RARB: variants seen among roughly 807,000 people sequenced by gnomAD.
The protein encoded by RARB is retinoic acid receptor beta.
A neutral mutation model predicts 51.9 loss-of-function variants in RARB; 17 were observed. The ratio of observed to expected loss-of-function variants is 0.33; its 90% confidence interval spans 0.22 to 0.49. RARB has a LOEUF of 0.49. Ranked by LOEUF, RARB falls within the 20% of genes least tolerant of loss-of-function variation. The pLI is 0.99. For synonymous variants in RARB, 215 were observed against 195.4 expected (o/e 1.10, Z -0.84); for missense variants, 369 against 550.8 (o/e 0.67, Z 3.30).
chr3:25,130,490 AT>A (rs1186037051), intron 3 of RARB, among the ~76,000 whole-genome samples: 6 of 151,902 alleles, frequency 3.9e-5, no homozygotes, highest in Non-Finnish European at 8.8e-5. Context: ...TTTTTTTTTA[AT>A]AAAATAGTGG....
At chr3:25,531,568 G>A (rs1435084982) in intron 3 of RARB, among the ~76,000 whole-genome samples, 1 of 152,104 alleles carries the variant, frequency 6.6e-6, no homozygotes, top group Non-Finnish European at 1.5e-5. Flanking sequence ...CAAGAGCAAT[G>A]TATGTTTGAA....
At chr3:24,878,548 G>A (rs1028954652) in intron 2 of RARB, among the ~76,000 whole-genome samples, 1 of 152,084 alleles carries the variant, frequency 6.6e-6, no homozygotes, top group Non-Finnish European at 1.5e-5. Context: ...TCTCAACATT[G>A]GCATTGACAT....
chr3:25,084,138 T>G (rs1275178265), intron 3 of RARB, among the ~76,000 whole-genome samples: 5 of 152,198 alleles, frequency 3.3e-5, no homozygotes, highest in Non-Finnish European at 5.9e-5. Context: ...TGGTACCCTA[T>G]TCTTCACATT....
At chr3:25,483,305 T>C (rs1380578543) in intron 2 of RARB, among the ~76,000 whole-genome samples, 1 of 152,216 alleles carries the variant, frequency 6.6e-6, no homozygotes, top group African/African-American at 2.4e-5. Context: ...AAAATATGTG[T>C]ACATATATAG....
chr3:24,922,315 A>G (rs559288381), intron 2 of RARB, among the ~76,000 whole-genome samples: 13 of 152,198 alleles, frequency 8.5e-5, no homozygotes, highest in Non-Finnish European at 1.8e-4. Flanking sequence ...AAAAGATGTT[A>G]ATGATGGAGA....
intron 2 of RARB, among the ~76,000 whole-genome samples, chr3:24,912,214 C>G (rs185955190): frequency 6.6e-6 from 1 of 152,060 alleles, no homozygotes; most frequent in African/African-American, 2.4e-5. Flanking sequence ...ATAGTGTCCA[C>G]GAGCTTTTGT....
At chr3:24,875,734 A>G (rs1205363055) in intron 2 of RARB, among the ~76,000 whole-genome samples, 1 of 152,118 alleles carries the variant, frequency 6.6e-6, no homozygotes, top group Non-Finnish European at 1.5e-5. Flanking sequence ...AAAATCAAGA[A>G]AATAACATTA....
chr3:25,310,579 A>T (rs1316884231), intron 5 of RARB, among the ~76,000 whole-genome samples: 3 of 152,186 alleles, frequency 2.0e-5, no homozygotes, highest in Admixed American at 2.0e-4. Context: ...TTCAGATGTG[A>T]TTGTCCATGA....
At chr3:25,325,726 C>A (rs868710164) in intron 5 of RARB, among the ~76,000 whole-genome samples, 91 of 149,356 alleles carry the variant, frequency 6.1e-4, no homozygotes, top group African/African-American at 2.1e-3. Flanking sequence ...GTTCTTCTCC[C>A]TTTTTTCCTG....
chr3:25,586,976 G>T (rs1701418669), intron 5 of RARB, among the ~76,000 whole-genome samples: 1 of 152,224 alleles, frequency 6.6e-6, no homozygotes, highest in Non-Finnish European at 1.5e-5. Context: ...AATTGCTGTG[G>T]GGTAGCCAGT....
At chr3:25,005,712 C>A (rs560944131) in intron 2 of RARB, among the ~76,000 whole-genome samples, 4 of 152,116 alleles carry the variant, frequency 2.6e-5, no homozygotes, top group Admixed American at 2.6e-4. Context: ...TATGACTACT[C>A]GAAGCGGAAA....
At chr3:25,216,344 T>C (rs1206885560) in intron 5 of RARB, among the ~76,000 whole-genome samples, 1 of 152,180 alleles carries the variant, frequency 6.6e-6, no homozygotes, top group East Asian at 1.9e-4. Context: ...TAAAAAAATA[T>C]TTATTGATAG....
At chr3:24,848,811 A>G (rs1326789521) in intron 1 of RARB, among the ~76,000 whole-genome samples, 3 of 152,226 alleles carry the variant, frequency 2.0e-5, no homozygotes, top group Admixed American at 2.0e-4. Context: ...TTCAGGCCTT[A>G]GTGTGACCTT....
At chr3:25,457,901 A>C (rs2125550995) in intron 1 of RARB, among the ~76,000 whole-genome samples, 1 of 152,134 alleles carries the variant, frequency 6.6e-6, no homozygotes, top group South Asian at 2.1e-4. Context: ...TCTGTGAAGA[A>C]CTCAATGCGA....
intron 2 of RARB, among the ~76,000 whole-genome samples, chr3:25,005,773 C>A (rs1697258185): frequency 6.6e-6 from 1 of 152,086 alleles, no homozygotes; most frequent in Admixed American, 6.5e-5. Context: ...CTGGTCTTGT[C>A]CCCACCCAGC....
intron 2 of RARB, among the ~76,000 whole-genome samples, chr3:24,899,985 T>G (rs941731660): frequency 6.6e-6 from 1 of 152,234 alleles, no homozygotes; most frequent in Non-Finnish European, 1.5e-5. Context: ...AAGACATTTT[T>G]ACGATATAAG....
At chr3:25,593,439 C>T (rs890625703) in intron 5 of RARB, 64 bp from the exon 6 acceptor site, 1 of 1,448,104 alleles carries the variant, frequency 6.9e-7, no homozygotes, top group Non-Finnish European at 9.6e-7. Flanking sequence ...TTCCTGCTTA[C>T]ATCTGATTGA....
At chr3:25,333,097 G>A (rs549060097) in intron 5 of RARB, among the ~76,000 whole-genome samples, 2 of 152,128 alleles carry the variant, frequency 1.3e-5, no homozygotes, top group East Asian at 3.9e-4. Context: ...AATGGCCATA[G>A]TGCCCAAGGT....
intron 2 of RARB, among the ~76,000 whole-genome samples, chr3:25,490,851 A>G (rs1696697772): frequency 6.6e-6 from 1 of 152,170 alleles, no homozygotes; most frequent in Non-Finnish European, 1.5e-5. Context: ...AATTTAGAAA[A>G]CAGATGTCTT....
Sources: allele counts gnomAD v4.1 joint callset (sites outside exome capture counted in the v4.1 genomes callset), GRCh38; gene constraint gnomAD v4.1.1; transcripts MANE v1.5; gene names NCBI Gene and HGNC (gene_info 2026-07-23, HGNC 2026-07-21).